The following SCHIP1 variants were observed in gnomAD, a reference collection of about 807,000 sequenced individuals.
SCHIP1 encodes the protein schwannomin-interacting protein 1.
Under a neutral mutation model 29.7 loss-of-function variants are expected in SCHIP1, and 8 were observed. The ratio of observed to expected loss-of-function variants is 0.27; its 90% confidence interval spans 0.16 to 0.49. The LOEUF is 0.49. Among genes scored for constraint, SCHIP1 ranks in the 20% least tolerant of loss-of-function variants. The pLI is 0.99. For synonymous variants in SCHIP1, 76 were observed against 94.9 expected, an observed-to-expected ratio of 0.80 and a Z score of 1.16; for missense variants, 193 against 294.6, an observed-to-expected ratio of 0.66 and a Z score of 2.52.
the SCHIP1 span, among the ~76,000 whole-genome samples, chr3:159,588,341 A>G: frequency 7.2e-5 from 11 of 151,814 alleles, no homozygotes; most frequent in African/African-American, 1.7e-4. Flanking sequence ...AATTTATTTG[A>G]GTTCTTTGTA....
At chr3:159,591,250 C>A in the SCHIP1 span, among the ~76,000 whole-genome samples, 3 of 151,824 alleles carry the variant, frequency 2.0e-5, no homozygotes, top group Admixed American at 1.3e-4. Flanking sequence ...ATTTGAATAC[C>A]CTTTATTTCT....
At chr3:159,862,858 A>G (rs1397471094) in intron 1 of SCHIP1, among the ~76,000 whole-genome samples, 1 of 152,150 alleles carries the variant, frequency 6.6e-6, no homozygotes, top group Non-Finnish European at 1.5e-5. Context: ...GTTAGCCAGG[A>G]TGTAGTGAAA....
the SCHIP1 span, among the ~76,000 whole-genome samples, chr3:159,819,690 T>C: frequency 6.6e-6 from 1 of 152,188 alleles, no homozygotes; most frequent in Non-Finnish European, 1.5e-5. Flanking sequence ...CAAAGGAATT[T>C]ATGGGGACTG....
the SCHIP1 span, among the ~76,000 whole-genome samples, chr3:159,462,871 A>T: frequency 1 from 152,253 of 152,254 alleles, 76,126 homozygotes; most frequent in Middle Eastern, 1. Flanking sequence ...TGTTCATTAC[A>T]GTCAAGTCTA....
At chr3:159,681,171 C>G in the SCHIP1 span, among the ~76,000 whole-genome samples, 1 of 151,700 alleles carries the variant, frequency 6.6e-6, no homozygotes, top group Non-Finnish European at 1.5e-5. Flanking sequence ...ACAGTGTATT[C>G]CGAGAGTTCT....
the SCHIP1 span, among the ~76,000 whole-genome samples, chr3:159,277,518 C>G: frequency 1.3e-5 from 2 of 151,102 alleles, no homozygotes; most frequent in Non-Finnish European, 1.5e-5. Flanking sequence ...TAATTTGGAG[C>G]TAGAAACCAA....
At chr3:159,273,613 G>T in the SCHIP1 span, 1 of 1,300,022 alleles carries the variant, frequency 7.7e-7, no homozygotes, top group African/African-American at 1.5e-5. Context: ...AATACTTGAA[G>T]ATTTCTGCTC....
the SCHIP1 span, among the ~76,000 whole-genome samples, chr3:159,582,783 TATATAC>T: frequency 1.2e-4 from 10 of 84,164 alleles, no homozygotes; most frequent in African/African-American, 3.7e-4. Flanking sequence ...CTGAAATATA[TATATAC>T]ACACACACAC....
At chr3:159,735,051 GTTGA>G in the SCHIP1 span, among the ~76,000 whole-genome samples, 1 of 151,808 alleles carries the variant, frequency 6.6e-6, no homozygotes, top group South Asian at 2.1e-4. Context: ...GTGAAGAATT[GTTGA>G]TTGTTTTCTT....
the SCHIP1 span, among the ~76,000 whole-genome samples, chr3:159,631,211 A>T: frequency 3.2e-4 from 48 of 152,238 alleles, no homozygotes; most frequent in African/African-American, 1.1e-3. Context: ...AACAATATGG[A>T]GATATCAAAA....
upstream of SCHIP1, among the ~76,000 whole-genome samples, chr3:159,839,289 T>TAA (rs66945994): frequency 1.3e-3 from 186 of 138,978 alleles, 1 homozygote; most frequent in Middle Eastern, 7.5e-3. Context: ...AGCCTTACAT[T>TAA]AAAAAAAAAA....
the SCHIP1 span, among the ~76,000 whole-genome samples, chr3:159,312,562 C>T: frequency 6.6e-6 from 1 of 152,184 alleles, no homozygotes; most frequent in Non-Finnish European, 1.5e-5. Context: ...GAACCATGTT[C>T]TGACTGTCTA....
At chr3:159,804,788 G>A in the SCHIP1 span, among the ~76,000 whole-genome samples, 1 of 152,224 alleles carries the variant, frequency 6.6e-6, no homozygotes, top group Non-Finnish European at 1.5e-5. Flanking sequence ...TGGCCCAATG[G>A]GGCATCACCA....
chr3:159,754,875 T>C, the SCHIP1 span, among the ~76,000 whole-genome samples: 1 of 152,188 alleles, frequency 6.6e-6, no homozygotes, highest in Admixed American at 6.5e-5. Context: ...CGATTTTTAA[T>C]TTGGATGCTG....
chr3:159,794,462 A>G, the SCHIP1 span, among the ~76,000 whole-genome samples: 8 of 152,176 alleles, frequency 5.3e-5, no homozygotes, highest in African/African-American at 1.7e-4. Flanking sequence ...CTTTTCTGCT[A>G]CTAATGCAGT....
intron 2 of SCHIP1, among the ~76,000 whole-genome samples, chr3:159,867,994 TCAATGA>T (rs1714817480): frequency 7.0e-6 from 1 of 143,838 alleles, no homozygotes; most frequent in African/African-American, 2.7e-5. Flanking sequence ...TATATATAAA[TCAATGA>T]TTTATATATA....
At chr3:159,794,202 G>A in the SCHIP1 span, among the ~76,000 whole-genome samples, 2 of 152,170 alleles carry the variant, frequency 1.3e-5, no homozygotes, top group Non-Finnish European at 1.5e-5. Flanking sequence ...TCTCATTTGA[G>A]TACAGAAACC....
chr3:159,440,807 A>T, the SCHIP1 span, among the ~76,000 whole-genome samples: 12 of 152,186 alleles, frequency 7.9e-5, no homozygotes, highest in African/African-American at 2.9e-4. Flanking sequence ...TGGTTGACTC[A>T]GCATACATAC....
the SCHIP1 span, among the ~76,000 whole-genome samples, chr3:159,586,951 T>G: frequency 1.3e-5 from 2 of 152,182 alleles, no homozygotes; most frequent in African/African-American, 4.8e-5. Flanking sequence ...TCATTAGGGC[T>G]ATCATATACG....
Sources: allele counts gnomAD v4.1 joint callset (sites outside exome capture counted in the v4.1 genomes callset), GRCh38; gene constraint gnomAD v4.1.1; transcripts MANE v1.5; gene names NCBI Gene and HGNC (gene_info 2026-07-23, HGNC 2026-07-21).